The following DISC1 variants were observed in gnomAD, a reference collection of about 807,000 sequenced individuals.
The protein encoded by DISC1 is DISC1 scaffold protein.
Under a neutral mutation model 84.5 loss-of-function variants are expected in DISC1, and 57 were observed. That is an observed-to-expected ratio of 0.67 (90% confidence interval 0.55 to 0.84). The LOEUF is 0.84. DISC1 is among the 40% of genes least tolerant of loss of function. DISC1 has a pLI of 0.00. For synonymous variants in DISC1, 411 were observed against 415.2 expected (o/e 0.99, Z 0.12); for missense variants, 1,000 against 1,057.8 (o/e 0.95, Z 0.76).
chr1:231,973,819 G>A (rs775162203), intron 10 of DISC1, among the ~76,000 whole-genome samples: 4 of 152,144 alleles, frequency 2.6e-5, no homozygotes, highest in Non-Finnish European at 5.9e-5. Flanking sequence ...AATAGTAATA[G>A]CAAGGAGACC....
chr1:231,732,485 A>G (rs1423269005), intron 3 of DISC1, among the ~76,000 whole-genome samples: 2 of 152,252 alleles, frequency 1.3e-5, no homozygotes, highest in Non-Finnish European at 2.9e-5. Flanking sequence ...TAAACAATGC[A>G]TAATCATTGT....
intron 10 of DISC1, among the ~76,000 whole-genome samples, chr1:231,985,836 C>T (rs192335861): frequency 5.3e-5 from 8 of 152,244 alleles, no homozygotes; most frequent in Admixed American, 3.3e-4. Flanking sequence ...CAAAATGACT[C>T]ATCACATGAG....
chr1:231,982,552 GA>G (rs1663765364), intron 10 of DISC1, among the ~76,000 whole-genome samples: 1 of 152,140 alleles, frequency 6.6e-6, no homozygotes, highest in Non-Finnish European at 1.5e-5. Context: ...GCAGATAAAA[GA>G]ACAAGATAAC....
rs568223145 is a variant in DISC1, at chr1:231,833,842, C to T, written c.1981+15325C>T. Among the ~76,000 whole-genome samples, 3 of 152,268 alleles carry T rather than the reference C, an allele frequency of 2.0e-5. No homozygotes were observed. In the South Asian group the frequency reaches 6.2e-4, roughly 32 times the overall value. On this transcript the variant is annotated intron_variant, in intron 9 of 12. Transcript: ENST00000439617. ...GCTGCCTCTACTCTATTATTGTACACCTTGAAGGCACGGTTAATGAAGTCC... is the reference window on the plus strand; with the variant it reads ...GCTGCCTCTACTCTATTATTGTACATCTTGAAGGCACGGTTAATGAAGTCC...
At chr1:231,762,261 T>TCTTTCCTTTCCTTTCCTTTCCTTTC (rs149824291) in intron 4 of DISC1, among the ~76,000 whole-genome samples, 2 of 55,308 alleles carry the variant, frequency 3.6e-5, no homozygotes, top group African/African-American at 1.6e-4. Flanking sequence ...TTCTTTATTT[T>TCTTTCCTTTCCTTTCCTTTCCTTTC]CTTTCCTTTC....
intron 3 of DISC1, among the ~76,000 whole-genome samples, chr1:231,727,732 G>A (rs2070931281): frequency 6.6e-6 from 1 of 152,052 alleles, no homozygotes; most frequent in African/African-American, 2.4e-5. Context: ...TAATCTGGTG[G>A]CATGAGTTGG....
intron 3 of DISC1, among the ~76,000 whole-genome samples, chr1:231,720,383 A>G (rs763301014): frequency 1.3e-5 from 2 of 151,908 alleles, no homozygotes; most frequent in East Asian, 1.9e-4. Context: ...TTTGTTGTCC[A>G]GCTGGGGTGC....
intron 9 of DISC1, among the ~76,000 whole-genome samples, chr1:231,949,635 C>T (rs1657953036): frequency 6.6e-6 from 1 of 152,150 alleles, no homozygotes; most frequent in Admixed American, 6.5e-5. Flanking sequence ...CCGGATCTGG[C>T]TGCCTTACGG....
intron 9 of DISC1, among the ~76,000 whole-genome samples, chr1:231,853,330 G>A (rs527455609): frequency 6.6e-6 from 1 of 152,306 alleles, no homozygotes; most frequent in African/African-American, 2.4e-5. Flanking sequence ...ACGTCATAGA[G>A]TGTACTTACA....
chr1:231,839,188 G>A (rs1198712904), intron 9 of DISC1, among the ~76,000 whole-genome samples: 1 of 152,130 alleles, frequency 6.6e-6, no homozygotes, highest in Non-Finnish European at 1.5e-5. Context: ...CAGACTCAGA[G>A]GTCGGAGGAA....
At chr1:231,690,081 C>T (rs1194881361) in intron 1 of DISC1, among the ~76,000 whole-genome samples, 2 of 152,306 alleles carry the variant, frequency 1.3e-5, no homozygotes, top group African/African-American at 4.8e-5. Context: ...GCTAGGTAAA[C>T]ATATATTTCC....
intron 10 of DISC1, chr1:231,959,198 T>C (rs944456241): frequency 1.6e-5 from 17 of 1,038,066 alleles, no homozygotes; most frequent in Non-Finnish European, 1.7e-5. Context: ...AGTCTGTTTT[T>C]CCCTTTTTTA....
At chr1:231,840,279 G>C (rs932893457) in intron 9 of DISC1, among the ~76,000 whole-genome samples, 1 of 152,082 alleles carries the variant, frequency 6.6e-6, no homozygotes, top group Non-Finnish European at 1.5e-5. Flanking sequence ...CTTGCCATGT[G>C]ACCTGGCAAT....
intron 4 of DISC1, among the ~76,000 whole-genome samples, chr1:231,766,267 G>T (rs1481302769): frequency 2.0e-5 from 3 of 146,752 alleles, no homozygotes; most frequent in Non-Finnish European, 3.0e-5. Flanking sequence ...TCCAGCCTGG[G>T]TGTCGCAGTA....
chr1:231,772,388 A>G (rs1371410992), intron 6 of DISC1, among the ~76,000 whole-genome samples: 3 of 152,104 alleles, frequency 2.0e-5, no homozygotes, highest in African/African-American at 7.2e-5. Flanking sequence ...CTACGTGGGT[A>G]GAGCCGGGAG....
intron 6 of DISC1, among the ~76,000 whole-genome samples, chr1:231,787,451 A>G (rs1291022866): frequency 1.3e-5 from 2 of 151,986 alleles, no homozygotes; most frequent in African/African-American, 4.8e-5. Flanking sequence ...AGAGAGAGAC[A>G]GAGAGAGAAA....
chr1:231,694,861 T>C (rs1387817084), intron 2 of DISC1, 56 bp downstream of exon 2: 3 of 1,593,638 alleles, frequency 1.9e-6, no homozygotes, highest in Non-Finnish European at 2.6e-6. Context: ...AGATTAGCAC[T>C]GGGCAGACGG....
rs1667866455 is a variant in DISC1, at chr1:232,009,832, T to C, written c.2307+783T>C. On this transcript the variant is annotated intron_variant, in intron 11 of 12. Transcript: ENST00000439617. The surrounding 1 kb of genome is among the most constrained non-coding windows in gnomAD (Gnocchi z 4.6). ...GGCCCAGGTTCACAGGTGTTGTGAG[T>C]GTGGAAAGGAAATAGCATGGAGAGG... is the stretch of plus-strand genomic sequence containing the variant. 1.3e-5 allele frequency among the ~76,000 whole-genome samples: 2 copies of C among 151,912 alleles called. No homozygotes were observed. The highest frequency in any genetic ancestry group is 1.3e-4 in the Admixed American group (2 of 15,248).
intron 3 of DISC1, among the ~76,000 whole-genome samples, chr1:231,748,703 G>A (rs1177858071): frequency 6.6e-6 from 1 of 152,128 alleles, no homozygotes; most frequent in East Asian, 1.9e-4. Flanking sequence ...TTTTGTTGTT[G>A]TGTCCTTGTC....
Sources: gnomAD v4.1 joint callset for allele counts (sites outside exome capture counted in the v4.1 genomes callset) on GRCh38, gnomAD v4.1.1 for gene constraint, Gnocchi (gnomAD v3.1) non-coding constraint, MANE v1.5 for transcripts, NCBI Gene and HGNC (gene_info 2026-07-23, HGNC 2026-07-21) for gene names.